The following BIRC5 variants were observed in gnomAD, a reference collection of about 807,000 sequenced individuals.
BIRC5 encodes the protein baculoviral IAP repeat-containing protein 5.
In BIRC5, 8 loss-of-function variants were observed where a neutral mutation model predicts 15.8. The ratio of observed to expected loss-of-function variants is 0.51; its 90% CI spans 0.30 to 0.91. The LOEUF (loss-of-function observed/expected upper bound fraction) is 0.91, where lower values mean the gene tolerates loss of function less well. Among genes scored for constraint, BIRC5 ranks in the 40% least tolerant of loss-of-function variants. The pLI, the probability that BIRC5 is intolerant of heterozygous loss-of-function variation, is 0.07. For synonymous variants in BIRC5, 56 were observed against 64.5 expected (o/e 0.87, Z 0.63); for missense variants, 163 against 178.6 (o/e 0.91, Z 0.50).
chr17:78,217,857 C>A (rs1447773410), intron 3 of BIRC5, among the ~76,000 whole-genome samples: 4 of 151,740 alleles, frequency 2.6e-5, no homozygotes, highest in African/African-American at 9.7e-5. Flanking sequence ...CAGTGGTACA[C>A]CATAGCTCAC....
intron 2 of BIRC5, chr17:78,216,183 A>C (rs1279198766): frequency 6.4e-6 from 1 of 155,824 alleles, no homozygotes; most frequent in Non-Finnish European, 1.4e-5. Context: ...CAGGAGGCGG[A>C]GCTTGCAGTG....
intron 3 of BIRC5, 120 bp from the exon 4 acceptor site, chr17:78,223,345 C>A (rs1599033556): frequency 2.1e-6 from 2 of 960,872 alleles, no homozygotes; most frequent in East Asian, 2.6e-5. Flanking sequence ...TAGCCCAGTG[C>A]CCAGTTTATT....
At chr17:78,216,522 G>A in intron 2 of BIRC5, 142 bp from the exon 3 acceptor site, 2 of 683,700 alleles carry the variant, frequency 2.9e-6, no homozygotes, top group South Asian at 1.7e-5. Context: ...AAGCACTGAT[G>A]CCATCAACTT....
At position 78,224,046 on chromosome 17, in the gene BIRC5, TTG is replaced by T. The variant is rs1039176345; in HGVS notation, c.*494_*495del. 8.0e-5 allele frequency: 5 copies of T among 62,624 alleles called. No homozygotes were observed. The highest frequency in any genetic ancestry group is 3.9e-4 in the East Asian group (1 of 2,546). The allele number at this position is 62,624 out of a possible 1,614,324, so 3.9% of individuals were successfully genotyped here. On this transcript the variant is annotated 3_prime_UTR_variant, in exon 4 of 4. Coordinates refer to ENST00000350051, the MANE Select transcript of BIRC5 (RefSeq NM_001168.3). ...TGTGCCTCCTCAGAGGACAGTTTTT[TTG>T]TTGTTGTGTTTTTTTGTTTTTTTTT...
rs2076530614 is a variant in BIRC5 at position 78,223,724 on chromosome 17, C to T, written c.*170C>T. 7.2e-7 allele frequency: 1 copy of T among 1,387,724 alleles called. No individual in the cohort carries two copies. The highest frequency in any genetic ancestry group is 9.5e-7 in the Non-Finnish European group (1 of 1,056,106). The allele number at this position is 1,387,724 out of a possible 1,614,324, so 86.0% of individuals were successfully genotyped here. A position where few individuals can be genotyped will look rare whatever the true frequency, so the allele number is the denominator to read the frequency against. ...CTCTTGTTTTGTCTTGAAAGTGGCA[C>T]CAGAGGTGCTTCTGCCTGTGCAGCG... is the stretch of plus-strand genomic sequence containing the variant. On this transcript the variant is annotated 3_prime_UTR_variant, in exon 4 of 4. Transcript: ENST00000350051.
rs2076464951 is a variant in BIRC5 at position 78,214,658 on chromosome 17, C to A, written c.112-22C>A. The A allele has an allele frequency of 2.5e-6, 4 of 1,569,958 alleles. No homozygotes were observed. In the East Asian group the frequency reaches 7.1e-5, roughly 28 times the overall value. On this transcript the variant is annotated intron_variant, in intron 1 of 3. Transcript: ENST00000350051. The stretch of plus-strand genomic sequence containing the variant: ...GGTTCCGGGCTGCCACGTCCACTCA[C>A]GAGCTGTGCTGTCCCTTGCAGATGG...
rs1021530330 is a variant in BIRC5 at position 78,214,890 on chromosome 17, C to A, written c.221+101C>A. On this transcript the variant is annotated intron_variant, in intron 2 of 3. Transcript: ENST00000350051. Reference sequence around the variant, plus strand: ...TTAGTATGGGAGGGTTGCTTTCCACCCTCATTGCTTCTTAAACAGCTGTTG... The same window carrying A: ...TTAGTATGGGAGGGTTGCTTTCCACACTCATTGCTTCTTAAACAGCTGTTG... The A allele has an allele frequency of 9.1e-6, 10 of 1,098,998 alleles. No individual in the cohort carries two copies. The East Asian group carries it at 2.6e-4, about 29-fold the overall frequency. The allele number at this position is 1,098,998 out of a possible 1,614,324, so 68.1% of individuals were successfully genotyped here.
At chr17:78,217,143 G>T (rs1339381191) in intron 3 of BIRC5, among the ~76,000 whole-genome samples, 1 of 150,842 alleles carries the variant, frequency 6.6e-6, no homozygotes, top group African/African-American at 2.4e-5. Flanking sequence ...CTCCCAAAGT[G>T]CTGGGATTAC....
At chr17:78,217,583 G>A (rs945246931) in intron 3 of BIRC5, among the ~76,000 whole-genome samples, 9 of 151,970 alleles carry the variant, frequency 5.9e-5, no homozygotes, top group South Asian at 4.2e-4. Flanking sequence ...TGCAAGCTCC[G>A]CCCCCCAGGT....
chr17:78,214,264 T>A lies in BIRC5; in HGVS notation c.-53T>A. The A allele has an allele frequency of 6.6e-7, 1 of 1,521,600 alleles. No homozygotes were observed. The highest frequency in any genetic ancestry group is 8.9e-7 in the Non-Finnish European group (1 of 1,118,340). The allele number at this position is 1,521,600 out of a possible 1,614,324, so 94.3% of individuals were successfully genotyped here. The stretch of plus-strand genomic sequence containing the variant: ...TCCCGACATGCCCCGCGGCGCGCCA[T>A]TAACCGCCAGATTTGAATCGCGGGA... On this transcript the variant is annotated 5_prime_UTR_variant, in exon 1 of 4. Coordinates refer to ENST00000350051, the MANE Select transcript of BIRC5 (RefSeq NM_001168.3).
rs1248911846 is a variant in BIRC5 at position 78,225,598 on chromosome 17, C to T, written c.*2044C>T. 1 of 152,206 alleles carries T rather than the reference C, an allele frequency of 6.6e-6. No individual in the cohort carries two copies. Among genetic ancestry groups the T allele is most frequent in the Non-Finnish European group, 1.5e-5 (1 of 68,048 alleles). The allele number at this position is 152,206 out of a possible 1,614,324, so 9.4% of individuals were successfully genotyped here. Reference sequence around the variant, plus strand: ...GGCTGTCGCCATGTGGAAAGAGTAACTCACAATTGCCAATAAAGTCTCATG... The same window carrying T: ...GGCTGTCGCCATGTGGAAAGAGTAATTCACAATTGCCAATAAAGTCTCATG... On this transcript the variant is annotated 3_prime_UTR_variant, in exon 4 of 4. Transcript: ENST00000350051.
At chr17:78,222,970 C>A (rs1599033308) in intron 3 of BIRC5, 2 of 1,502,138 alleles carry the variant, frequency 1.3e-6, no homozygotes, top group South Asian at 1.3e-5. Flanking sequence ...TCTGGACTTT[C>A]CTCCAGGAGT....
chr17:78,222,911 G>T (rs1233902554), intron 3 of BIRC5: 13 of 1,534,944 alleles, frequency 8.5e-6, no homozygotes, highest in Non-Finnish European at 1.1e-5. Context: ...GTTCGAGGAA[G>T]AGCCTGATGT....
intron 3 of BIRC5, among the ~76,000 whole-genome samples, chr17:78,217,621 C>G (rs923096446): frequency 1.3e-5 from 2 of 152,084 alleles, no homozygotes; most frequent in South Asian, 2.1e-4. Flanking sequence ...CTCAGCCTCC[C>G]GAGTAGCTGG....
chr17:78,214,991 C>T (rs1479502650), intron 2 of BIRC5: 1 of 542,942 alleles, frequency 1.8e-6, no homozygotes, highest in African/African-American at 1.9e-5. Context: ...ACCAAAATGC[C>T]TTGGGGTGGA....
intron 1 of BIRC5, 105 bp downstream of exon 1, chr17:78,214,532 G>A: frequency 1.6e-6 from 2 of 1,274,006 alleles, no homozygotes; most frequent in South Asian, 1.5e-5. Flanking sequence ...TCCCCTCCCC[G>A]TCCTGTCCCC....
At chr17:78,222,742 T>C in intron 3 of BIRC5, 2 of 1,458,954 alleles carry the variant, frequency 1.4e-6, no homozygotes, top group Non-Finnish European at 1.8e-6. Flanking sequence ...TGTTTTTTAA[T>C]GTAGTAGAGG....
In BIRC5 at chr17:78,216,775, C is replaced by A. The variant is rs368160166; in HGVS notation, c.333C>A (p.Asn111Lys). The change falls in exon 3 of 4, where the codon AAC becomes AAA. Residue 111 changes from asparagine to lysine, a missense_variant. Coordinates refer to ENST00000350051, the MANE Select transcript of BIRC5 (RefSeq NM_001168.3). Reference protein sequence around the residue: ...FLKLDRERAKNKIAKETNNKK... With the variant: ...FLKLDRERAKKKIAKETNNKK... Reference sequence around the variant, plus strand: ...AACTGGACAGAGAAAGAGCCAAGAACAAAATTGTATGTATTGGGAATAAGA... The same window carrying A: ...AACTGGACAGAGAAAGAGCCAAGAAAAAAATTGTATGTATTGGGAATAAGA... 1.2e-6 allele frequency: 2 copies of A among 1,611,434 alleles called. No homozygotes were observed. The highest frequency in any genetic ancestry group is 2.7e-5 in the African/African-American group (2 of 74,802).
At chr17:78,214,500 G>A (rs1303220569) in intron 1 of BIRC5, 73 bp downstream of exon 1, 1 of 1,398,482 alleles carries the variant, frequency 7.2e-7, no homozygotes, top group Non-Finnish European at 9.6e-7. Flanking sequence ...CTGTGACTGG[G>A]CCTCGGGGGT....
Sources: allele counts gnomAD v4.1 joint callset (sites outside exome capture counted in the v4.1 genomes callset), GRCh38; gene constraint gnomAD v4.1.1; transcripts MANE v1.5; gene names NCBI Gene and HGNC (gene_info 2026-07-23, HGNC 2026-07-21).